BOLL: variants seen among roughly 807,000 people sequenced by gnomAD.
The protein encoded by BOLL is protein boule-like.
BOLL carries 23 observed loss-of-function variants against 44.4 expected under a neutral mutation model. The ratio of observed to expected loss-of-function variants is 0.52; its 90% CI spans 0.37 to 0.73. BOLL has a LOEUF of 0.73. BOLL is among the 30% of genes least tolerant of loss of function. The pLI is 0.00. For missense variants in BOLL, 287 were observed against 338.3 expected (o/e 0.85, Z 1.19); for synonymous variants, 97 against 110.8 (o/e 0.88, Z 0.78).
chr2:197,742,216 G>A (rs1415671610), intron 10 of BOLL, among the ~76,000 whole-genome samples: 1 of 152,174 alleles, frequency 6.6e-6, no homozygotes, highest in African/African-American at 2.4e-5. Context: ...AATGTTGGTG[G>A]GAGTGTAAAC....
chr2:197,739,067 T>TG (rs1687624914), intron 10 of BOLL, among the ~76,000 whole-genome samples: 1 of 152,042 alleles, frequency 6.6e-6, no homozygotes, highest in Non-Finnish European at 1.5e-5. Flanking sequence ...TGTCTCTGAG[T>TG]GGGGTATCGT....
intron 7 of BOLL, among the ~76,000 whole-genome samples, chr2:197,765,000 C>A (rs574401332): frequency 6.6e-6 from 1 of 151,598 alleles, no homozygotes; most frequent in African/African-American, 2.4e-5. Flanking sequence ...AAAAAGAATA[C>A]TAGGGGCTGA....
chr2:197,765,754 A>G (rs1027600049), intron 7 of BOLL, among the ~76,000 whole-genome samples: 2 of 152,056 alleles, frequency 1.3e-5, no homozygotes, highest in African/African-American at 2.4e-5. Flanking sequence ...GGTTTGTTAC[A>G]TAGGTAAACT....
chr2:197,781,716 A>G lies in BOLL; in HGVS notation c.129+6T>C. On this transcript the variant is annotated splice_donor_region_variant and intron_variant, in intron 2 of 10. Coordinates refer to ENST00000392296, the MANE Select transcript of BOLL (RefSeq NM_033030.6). ...AATACACTTTACTGCATGCATAAATAGGTACCTTAAAATCAATTCCTCCTA... is the reference window on the plus strand; with the variant it reads ...AATACACTTTACTGCATGCATAAATGGGTACCTTAAAATCAATTCCTCCTA... 6.5e-7 allele frequency: 1 copy of G among 1,537,854 alleles called. No homozygotes were observed. The highest frequency in any genetic ancestry group is 8.8e-7 in the Non-Finnish European group (1 of 1,130,452).
chr2:197,751,213 C>T (rs749702454), intron 9 of BOLL, among the ~76,000 whole-genome samples: 1 of 152,076 alleles, frequency 6.6e-6, no homozygotes, highest in Non-Finnish European at 1.5e-5. Context: ...CTAAAATGGA[C>T]ACCCTAACAT....
chr2:197,772,520 G>A (rs748477989), intron 5 of BOLL, among the ~76,000 whole-genome samples: 4 of 151,804 alleles, frequency 2.6e-5, no homozygotes, highest in African/African-American at 9.7e-5. Flanking sequence ...GCAAACATTC[G>A]TTCATGCTAT....
intron 9 of BOLL, chr2:197,756,111 A>T (rs1283895354): frequency 6.4e-6 from 1 of 155,916 alleles, no homozygotes; most frequent in East Asian, 1.8e-4. Flanking sequence ...TGACTAATAG[A>T]ATGTTAGTAA....
intron 9 of BOLL, among the ~76,000 whole-genome samples, chr2:197,755,642 G>T (rs562330803): frequency 1.6e-4 from 24 of 152,286 alleles, no homozygotes; most frequent in Non-Finnish European, 2.9e-4. Flanking sequence ...CTAACACAGG[G>T]ACAGAAAACC....
chr2:197,786,184 G>C, upstream of BOLL: 1 of 874,142 alleles, frequency 1.1e-6, no homozygotes, highest in Non-Finnish European at 1.6e-6. This position sits in a 1 kb window ranked among gnomAD's most constrained non-coding sequence, Gnocchi z 5.9. Context: ...CTGCCACCTG[G>C]CGGGTGGGGA....
chr2:197,735,202 C>G (rs184262223), intron 10 of BOLL, among the ~76,000 whole-genome samples: 41 of 152,096 alleles, frequency 2.7e-4, no homozygotes, highest in Admixed American at 1.6e-3. Flanking sequence ...ATTATTCCTG[C>G]CATTCTGAAA....
At chr2:197,735,350 A>G (rs376582950) in intron 10 of BOLL, among the ~76,000 whole-genome samples, 11 of 152,102 alleles carry the variant, frequency 7.2e-5, no homozygotes, top group African/African-American at 1.7e-4. Context: ...ATTTCCTCCA[A>G]TGATTTTTCT....
At chr2:197,771,174 AG>A (rs1275954884) in intron 6 of BOLL, among the ~76,000 whole-genome samples, 1 of 152,194 alleles carries the variant, frequency 6.6e-6, no homozygotes, top group Non-Finnish European at 1.5e-5. Context: ...AGCCATAAAA[AG>A]GATGAGTTCG....
In BOLL at chr2:197,727,316, G is replaced by C. The variant is rs1008666105; in HGVS notation, c.*1239C>G. 1.3e-5 allele frequency: 2 copies of C among 152,310 alleles called. No individual in the cohort carries two copies. Among genetic ancestry groups the C allele is most frequent in the African/African-American group, 4.8e-5 (2 of 41,418 alleles). The allele number at this position is 152,310 out of a possible 1,614,324, so 9.4% of individuals were successfully genotyped here. A position where few individuals can be genotyped will look rare whatever the true frequency, so the allele number is the denominator to read the frequency against. ...TACATGTGGGGTTGAAACAGGGGAGGAAAGAGATAGATTTATTAGGGTAAT... is the reference window on the plus strand; with the variant it reads ...TACATGTGGGGTTGAAACAGGGGAGCAAAGAGATAGATTTATTAGGGTAAT... On this transcript the variant is annotated 3_prime_UTR_variant, in exon 11 of 11. Transcript: ENST00000392296.
intron 2 of BOLL, among the ~76,000 whole-genome samples, chr2:197,779,716 G>C (rs1435712360): frequency 6.6e-6 from 1 of 151,812 alleles, no homozygotes; most frequent in African/African-American, 2.4e-5. Context: ...AAGCATACAA[G>C]GTGTCTACAA....
intron 9 of BOLL, among the ~76,000 whole-genome samples, chr2:197,748,786 G>T (rs1377294322): frequency 6.6e-6 from 1 of 152,232 alleles, no homozygotes; most frequent in Non-Finnish European, 1.5e-5. Flanking sequence ...ACACCTGGGG[G>T]AAGGGGCAGC....
chr2:197,766,796 C>T (rs896381445), intron 6 of BOLL, among the ~76,000 whole-genome samples, 193 bp from the exon 7 acceptor site: 4 of 151,998 alleles, frequency 2.6e-5, no homozygotes, highest in African/African-American at 4.8e-5. Context: ...TCTACTTCTA[C>T]GTGGTTTCAT....
At position 197,749,390 on chromosome 2, in the gene BOLL, T is replaced by G. The variant is rs536350735; in HGVS notation, c.730-6231A>C. On this transcript the variant is annotated intron_variant, in intron 9 of 10. Transcript: ENST00000392296. ...AACAAAACTGGACGGAGAATGAGTT[T>G]GATGAATTGACAGAAGTAGGCTTCA... Among the ~76,000 whole-genome samples, 3 of 152,092 alleles carry G rather than the reference T, an allele frequency of 2.0e-5. No homozygotes were observed. In the East Asian group the frequency reaches 5.9e-4, roughly 30 times the overall value.
chr2:197,729,256 C>A (rs1276816538), intron 10 of BOLL, among the ~76,000 whole-genome samples: 1 of 152,144 alleles, frequency 6.6e-6, no homozygotes, highest in African/African-American at 2.4e-5. Context: ...GCTTTTCCGA[C>A]GGGCTTAAAA....
intron 7 of BOLL, among the ~76,000 whole-genome samples, chr2:197,763,108 T>A (rs1466062868): frequency 6.6e-6 from 1 of 152,158 alleles, no homozygotes; most frequent in Non-Finnish European, 1.5e-5. Flanking sequence ...GCAAATAAAT[T>A]AGGAAACCTA....
Sources: gnomAD v4.1 joint callset for allele counts (sites outside exome capture counted in the v4.1 genomes callset) on GRCh38, gnomAD v4.1.1 for gene constraint, Gnocchi (gnomAD v3.1) non-coding constraint, MANE v1.5 for transcripts, NCBI Gene and HGNC (gene_info 2026-07-23, HGNC 2026-07-21) for gene names.